SHANK2: variants seen among roughly 807,000 people sequenced by gnomAD.
SHANK2 encodes the protein SH3 and multiple ankyrin repeat domains protein 2.
SHANK2 carries 43 observed loss-of-function variants against 133.7 expected under a neutral mutation model. That is an observed-to-expected ratio of 0.32 (90% CI 0.25 to 0.41). SHANK2 has a LOEUF of 0.41. SHANK2 is among the 10% of genes least tolerant of loss of function. The pLI, the probability that SHANK2 is intolerant of heterozygous loss-of-function variation, is 1.00. For missense variants in SHANK2, 1,994 were observed against 2,235.8 expected (o/e 0.89, Z 2.18); for synonymous variants, 1,017 against 952.8 (o/e 1.07, Z -1.24).
chr11:70,581,464 G>A (rs545180414), intron 17 of SHANK2, among the ~76,000 whole-genome samples: 1 of 152,278 alleles, frequency 6.6e-6, no homozygotes, highest in Admixed American at 6.5e-5. Flanking sequence ...GCTGAAGATG[G>A]CAGATCACTC....
chr11:70,503,674 TG>T (rs2059094282), intron 17 of SHANK2, among the ~76,000 whole-genome samples: 1 of 152,202 alleles, frequency 6.6e-6, no homozygotes, highest in African/African-American at 2.4e-5. Flanking sequence ...CTGCCCTATT[TG>T]TCCTCACCAT....
intron 17 of SHANK2, chr11:70,635,147 C>G (rs1460576626): frequency 1.4e-4 from 21 of 152,222 alleles, no homozygotes; most frequent in African/African-American, 5.1e-4. Flanking sequence ...GGCATGGCTG[C>G]TCCTCAAAAC....
intron 21 of SHANK2, among the ~76,000 whole-genome samples, chr11:70,498,287 G>A (rs533986920): frequency 2.0e-5 from 3 of 152,374 alleles, no homozygotes; most frequent in Admixed American, 6.5e-5. Context: ...GATGTTAGAG[G>A]ACAGAAGCCG....
chr11:70,906,406 G>A (rs1368950606), intron 10 of SHANK2, among the ~76,000 whole-genome samples: 5 of 152,206 alleles, frequency 3.3e-5, no homozygotes, highest in African/African-American at 7.2e-5. Context: ...GAGCCCAGGC[G>A]AGGGTGGAGG....
At chr11:70,808,951 G>A (rs782701424) in intron 12 of SHANK2, among the ~76,000 whole-genome samples, 64 of 152,106 alleles carry the variant, frequency 4.2e-4, no homozygotes, top group Non-Finnish European at 7.2e-4. Flanking sequence ...ACTCATATCC[G>A]TTCTTGCTGT....
chr11:70,687,551 G>A (rs906141837), intron 15 of SHANK2, among the ~76,000 whole-genome samples: 1 of 129,308 alleles, frequency 7.7e-6, no homozygotes, highest in Non-Finnish European at 1.6e-5. Context: ...AATCAAGGTG[G>A]ATATAAGACA....
intron 17 of SHANK2, among the ~76,000 whole-genome samples, chr11:70,618,659 A>G (rs959878614): frequency 3.9e-5 from 6 of 152,232 alleles, no homozygotes; most frequent in Admixed American, 3.9e-4. Flanking sequence ...CAGCTTAATT[A>G]ACACCGACTG....
At chr11:70,653,966 C>T (rs902790229) in intron 17 of SHANK2, among the ~76,000 whole-genome samples, 6 of 152,194 alleles carry the variant, frequency 3.9e-5, no homozygotes, top group Non-Finnish European at 7.3e-5. Flanking sequence ...CCGAGGAAAA[C>T]ACCAGGGCAT....
intron 12 of SHANK2, among the ~76,000 whole-genome samples, chr11:70,811,664 CTATT>C (rs1948283073): frequency 7.0e-6 from 1 of 142,668 alleles, no homozygotes; most frequent in African/African-American, 2.7e-5. Context: ...CATCCATCAT[CTATT>C]CATCCATCCA....
At chr11:70,716,974 T>A (rs1458995613) in intron 14 of SHANK2, among the ~76,000 whole-genome samples, 2 of 145,164 alleles carry the variant, frequency 1.4e-5, no homozygotes, top group African/African-American at 2.6e-5. Context: ...GAGGGAGCAG[T>A]TGGTGAGAAG....
intron 17 of SHANK2, among the ~76,000 whole-genome samples, chr11:70,595,561 C>T (rs2060388217): frequency 6.6e-6 from 1 of 152,196 alleles, no homozygotes; most frequent in African/African-American, 2.4e-5. Flanking sequence ...GCCCAGCCTA[C>T]AGCCCCTGTC....
intron 11 of SHANK2, among the ~76,000 whole-genome samples, chr11:70,879,530 G>A (rs566365284): frequency 5.3e-5 from 8 of 152,292 alleles, no homozygotes; most frequent in South Asian, 2.1e-4. Context: ...AAGACCACAC[G>A]GAAAATTCCG....
intron 12 of SHANK2, among the ~76,000 whole-genome samples, chr11:70,808,841 C>T (rs1948219226): frequency 6.6e-6 from 1 of 152,194 alleles, no homozygotes; most frequent in Non-Finnish European, 1.5e-5. Flanking sequence ...GCGTCAGTCA[C>T]ACTGGACGAG....
chr11:70,507,627 G>T (rs1444646471), intron 17 of SHANK2, among the ~76,000 whole-genome samples: 2 of 152,152 alleles, frequency 1.3e-5, no homozygotes, highest in Admixed American at 6.5e-5. Context: ...TCACCACTCC[G>T]CATTACCCTG....
chr11:70,652,668 A>G (rs184738707), intron 17 of SHANK2, among the ~76,000 whole-genome samples: 2 of 152,048 alleles, frequency 1.3e-5, no homozygotes, highest in Admixed American at 1.3e-4. Context: ...AAAGTTAGCT[A>G]CGTATGGTGG....
chr11:71,143,913 C>A (rs1386438413), intron 3 of SHANK2, among the ~76,000 whole-genome samples: 18 of 151,852 alleles, frequency 1.2e-4, no homozygotes, highest in African/African-American at 4.4e-4. Flanking sequence ...AACACAAGTA[C>A]CACCGATAAC....
chr11:70,500,931 G>A lies in SHANK2; in HGVS notation c.2288-341C>T, dbSNP rs1555158327. Reference sequence around the variant, plus strand: ...CTCAGAGCAGACATGAGCAGAGGTGGCGGGGCCAGCCTTTAGAGTGCACCT... The same window carrying A: ...CTCAGAGCAGACATGAGCAGAGGTGACGGGGCCAGCCTTTAGAGTGCACCT... On this transcript the variant is annotated intron_variant, in intron 20 of 25. Coordinates refer to ENST00000601538, the MANE Select transcript of SHANK2 (RefSeq NM_012309.5). The surrounding 1 kb of genome is among the most constrained non-coding windows in gnomAD (Gnocchi z 4.5). Among the ~76,000 whole-genome samples, 1 of 152,258 alleles carries A rather than the reference G, an allele frequency of 6.6e-6. No individual in the cohort carries two copies.
chr11:70,899,968 T>C (rs967751749), intron 10 of SHANK2, among the ~76,000 whole-genome samples: 1 of 152,238 alleles, frequency 6.6e-6, no homozygotes, highest in Non-Finnish European at 1.5e-5. Context: ...CTAGGTTTTC[T>C]CACCTGTGAA....
intron 14 of SHANK2, among the ~76,000 whole-genome samples, chr11:70,794,013 GATCA>G (rs1555048579): frequency 6.6e-5 from 10 of 152,278 alleles, no homozygotes; most frequent in Middle Eastern, 3.4e-3. Context: ...GGGCATGGTG[GATCA>G]TGCCTGTAAT....
Sources: gnomAD v4.1 joint callset for allele counts (sites outside exome capture counted in the v4.1 genomes callset) on GRCh38, gnomAD v4.1.1 for gene constraint, Gnocchi (gnomAD v3.1) non-coding constraint, MANE v1.5 for transcripts, NCBI Gene and HGNC (gene_info 2026-07-23, HGNC 2026-07-21) for gene names.